The following NEGR1 variants were observed in gnomAD, a reference collection of about 807,000 sequenced individuals.
NEGR1 encodes the protein IgLON family member 4.
A neutral mutation model predicts 40.9 loss-of-function variants in NEGR1; 10 were observed. The ratio of observed to expected loss-of-function variants is 0.24; its 90% confidence interval spans 0.15 to 0.42. The LOEUF (loss-of-function observed/expected upper bound fraction) is 0.42. Ranked by LOEUF, NEGR1 falls within the 10% of genes least tolerant of loss-of-function variation. The pLI is 1.00. For missense variants in NEGR1, 352 were observed against 438.9 expected, an observed-to-expected ratio of 0.80 and a Z score of 1.77; for synonymous variants, 185 against 166.8, an observed-to-expected ratio of 1.11 and a Z score of -0.84.
At chr1:72,261,626 C>T (rs1455741306) in intron 1 of NEGR1, among the ~76,000 whole-genome samples, 1 of 152,014 alleles carries the variant, frequency 6.6e-6, no homozygotes, top group Non-Finnish European at 1.5e-5. Flanking sequence ...TTTGGCAACG[C>T]TTGGCATAAA....
chr1:71,736,843 A>G (rs1002659020), intron 3 of NEGR1, among the ~76,000 whole-genome samples: 3 of 152,218 alleles, frequency 2.0e-5, no homozygotes, highest in Non-Finnish European at 4.4e-5. Flanking sequence ...GTGGTTAACT[A>G]TCTGCCTCTT....
intron 3 of NEGR1, among the ~76,000 whole-genome samples, chr1:71,737,041 G>T (rs1008722318): frequency 6.6e-6 from 1 of 152,156 alleles, no homozygotes; most frequent in Non-Finnish European, 1.5e-5. Context: ...TGGATGAGAA[G>T]AAATCAGAAA....
At chr1:71,781,451 C>T (rs1436116501) in intron 2 of NEGR1, among the ~76,000 whole-genome samples, 3 of 152,144 alleles carry the variant, frequency 2.0e-5, no homozygotes, top group Non-Finnish European at 2.9e-5. Context: ...GTTGCACTGG[C>T]TCACTGGAAT....
intron 6 of NEGR1, among the ~76,000 whole-genome samples, chr1:71,441,224 C>T (rs1368605731): frequency 6.6e-6 from 1 of 152,200 alleles, no homozygotes; most frequent in East Asian, 1.9e-4. Context: ...GTGAAGTTAT[C>T]AACTGATGTG....
At chr1:71,669,117 C>T (rs956440573) in intron 4 of NEGR1, among the ~76,000 whole-genome samples, 5 of 151,946 alleles carry the variant, frequency 3.3e-5, no homozygotes, top group South Asian at 2.1e-4. Flanking sequence ...AGCTGTAGAC[C>T]GCTTTAATAT....
chr1:72,253,062 G>T (rs1294793886), intron 1 of NEGR1, among the ~76,000 whole-genome samples: 1 of 152,134 alleles, frequency 6.6e-6, no homozygotes, highest in Non-Finnish European at 1.5e-5. Flanking sequence ...CTTTAGTTGG[G>T]TGCATTGGCT....
At chr1:72,109,368 A>G (rs1649262999) in intron 1 of NEGR1, among the ~76,000 whole-genome samples, 2 of 151,660 alleles carry the variant, frequency 1.3e-5, no homozygotes, top group South Asian at 2.1e-4. Flanking sequence ...AATAAAAACT[A>G]CTTCACCTAA....
At chr1:71,993,161 T>C (rs1000235929) in intron 1 of NEGR1, among the ~76,000 whole-genome samples, 13 of 152,200 alleles carry the variant, frequency 8.5e-5, no homozygotes, top group African/African-American at 3.1e-4. Context: ...TTCATATTCT[T>C]CTCAATTGAA....
chr1:72,247,576 A>G (rs1287144986), intron 1 of NEGR1, among the ~76,000 whole-genome samples: 1 of 152,146 alleles, frequency 6.6e-6, no homozygotes, highest in South Asian at 2.1e-4. Flanking sequence ...CCAGTTCCCA[A>G]TAACTTCCTC....
chr1:71,727,760 A>G (rs1183198557), intron 3 of NEGR1, among the ~76,000 whole-genome samples: 2 of 152,188 alleles, frequency 1.3e-5, no homozygotes, highest in East Asian at 3.9e-4. Context: ...AGGGCAAAGG[A>G]TAAAGGTATA....
At chr1:72,152,792 A>G (rs1042115471) in intron 1 of NEGR1, among the ~76,000 whole-genome samples, 5 of 152,000 alleles carry the variant, frequency 3.3e-5, no homozygotes, top group African/African-American at 1.2e-4. Context: ...CAACCATAAA[A>G]ATATTTTCAT....
intron 1 of NEGR1, among the ~76,000 whole-genome samples, chr1:71,998,194 G>A (rs1646522321): frequency 1.3e-5 from 2 of 151,700 alleles, no homozygotes; most frequent in South Asian, 2.1e-4. Flanking sequence ...TGTTAAATGA[G>A]GCTAATCATA....
intron 1 of NEGR1, among the ~76,000 whole-genome samples, chr1:72,185,572 A>G (rs1234812086): frequency 6.6e-6 from 1 of 151,968 alleles, no homozygotes; most frequent in Non-Finnish European, 1.5e-5. Context: ...AATGGAATTC[A>G]TTGAGATGTT....
intron 1 of NEGR1, among the ~76,000 whole-genome samples, chr1:72,220,799 G>A (rs1653987500): frequency 6.6e-6 from 1 of 151,320 alleles, no homozygotes; most frequent in East Asian, 1.9e-4. Context: ...AGCACTGAAA[G>A]AACACACTAA....
At chr1:71,741,695 T>C (rs1032206314) in intron 3 of NEGR1, among the ~76,000 whole-genome samples, 6 of 152,184 alleles carry the variant, frequency 3.9e-5, no homozygotes, top group African/African-American at 1.4e-4. Context: ...CTGGATAATT[T>C]ATAAAGAAAG....
At chr1:71,672,749 CAA>C (rs1652476193) in intron 4 of NEGR1, among the ~76,000 whole-genome samples, 1 of 152,004 alleles carries the variant, frequency 6.6e-6, no homozygotes, top group Admixed American at 6.6e-5. Context: ...TTCCTTGAGA[CAA>C]AGCTAAACTG....
At chr1:72,242,712 A>C (rs968028098) in intron 1 of NEGR1, among the ~76,000 whole-genome samples, 1 of 151,668 alleles carries the variant, frequency 6.6e-6, no homozygotes, top group Non-Finnish European at 1.5e-5. Context: ...CTTTAATTTA[A>C]TCCCACCACA....
rs1450749848 is a variant in NEGR1 at position 71,498,526 on chromosome 1, G to A, written c.941-90956C>T. 3.9e-5 allele frequency among the ~76,000 whole-genome samples: 6 copies of A among 151,984 alleles called. No homozygotes were observed. In the East Asian group the frequency reaches 7.7e-4, roughly 20 times the overall value. On this transcript the variant is annotated intron_variant, in intron 6 of 6. Transcript: ENST00000357731. ...CTGCTACCCTGAGGGTAAATTGCTC[G>A]GGTGTGCAGCTCCATCCTGCAATTC...
chr1:71,473,233 ATATTT>A (rs1482904466), intron 6 of NEGR1, among the ~76,000 whole-genome samples: 3 of 152,084 alleles, frequency 2.0e-5, no homozygotes, highest in Non-Finnish European at 2.9e-5. Flanking sequence ...AAATACTTAC[ATATTT>A]TATAACATTG....
Sources: gnomAD v4.1 joint callset for allele counts (sites outside exome capture counted in the v4.1 genomes callset) on GRCh38, gnomAD v4.1.1 for gene constraint, MANE v1.5 for transcripts, NCBI Gene and HGNC (gene_info 2026-07-23, HGNC 2026-07-21) for gene names.